The following NTM variants were observed in gnomAD, a reference collection of about 807,000 sequenced individuals.
NTM encodes the protein neurotrimin, also known as IgLON family member 2.
In NTM, 13 loss-of-function variants were observed where a neutral mutation model predicts 42.1. That is an observed-to-expected ratio of 0.31 (90% CI 0.20 to 0.49). NTM has a LOEUF of 0.49. NTM is among the 20% of genes least tolerant of loss of function. NTM has a pLI of 0.99. For synonymous variants in NTM, 187 were observed against 179.2 expected (o/e 1.04, Z -0.35); for missense variants, 373 against 452.8 (o/e 0.82, Z 1.60).
intron 1 of NTM, among the ~76,000 whole-genome samples, chr11:131,876,530 A>G (rs1349864420): frequency 6.6e-6 from 1 of 152,262 alleles, no homozygotes; most frequent in African/African-American, 2.4e-5. Flanking sequence ...AAATATAATT[A>G]GACAAATCTG....
At chr11:132,299,795 A>G (rs2094774122) in intron 4 of NTM, among the ~76,000 whole-genome samples, 1 of 152,174 alleles carries the variant, frequency 6.6e-6, no homozygotes, top group South Asian at 2.1e-4. Flanking sequence ...CCTATGAAAC[A>G]TCTTTTAAAT....
In NTM at chr11:131,836,960, G is replaced by C. The variant is rs79390610; in HGVS notation, c.83-74604G>C. ...AGTAATAAAGCTGTCACTCCTGAAG[G>C]GATCTTTTTTAAAACAAAAGGAAAG... On this transcript the variant is annotated intron_variant, in intron 1 of 8. Coordinates refer to ENST00000683400, the MANE Select transcript of NTM (RefSeq NM_001352005.2). Among the ~76,000 whole-genome samples the C allele has an allele frequency of 2.8e-3, 430 of 152,194 alleles. 1 individual carries two copies. The highest frequency in any genetic ancestry group is 9.8e-3 in the African/African-American group (408 of 41,504).
chr11:131,617,130 C>T (rs761212835), intron 1 of NTM, among the ~76,000 whole-genome samples: 6 of 151,910 alleles, frequency 3.9e-5, no homozygotes, highest in Admixed American at 2.6e-4. Flanking sequence ...GGTGTGCTGC[C>T]GATGTCAGGG....
chr11:131,829,534 G>T (rs183554220), intron 1 of NTM, among the ~76,000 whole-genome samples: 1 of 152,060 alleles, frequency 6.6e-6, no homozygotes, highest in Admixed American at 6.5e-5. Context: ...CTTTCCTATG[G>T]CATAGTATTC....
intron 1 of NTM, among the ~76,000 whole-genome samples, chr11:131,433,733 AT>A (rs1464651819): frequency 2.0e-5 from 3 of 151,862 alleles, no homozygotes; most frequent in African/African-American, 7.3e-5. Context: ...CCTTAGGAAG[AT>A]TTTAGGCCAC....
intron 1 of NTM, among the ~76,000 whole-genome samples, chr11:131,776,374 A>G (rs916906796): frequency 2.0e-5 from 3 of 152,194 alleles, no homozygotes; most frequent in Non-Finnish European, 4.4e-5. Context: ...CAGTGAGGGA[A>G]GAGCAACATA....
At chr11:131,564,479 C>T (rs774845950) in intron 1 of NTM, among the ~76,000 whole-genome samples, 43 of 152,054 alleles carry the variant, frequency 2.8e-4, no homozygotes, top group Middle Eastern at 3.4e-3. Flanking sequence ...AGAGAGCAGG[C>T]TCTTTAGTGT....
chr11:131,779,668 C>A (rs1195775190), intron 1 of NTM, among the ~76,000 whole-genome samples: 2 of 152,056 alleles, frequency 1.3e-5, no homozygotes, highest in Admixed American at 6.6e-5. Flanking sequence ...ACCAGTGGAG[C>A]AGGGGAGACA....
chr11:132,106,086 T>A (rs888933665), intron 2 of NTM, among the ~76,000 whole-genome samples: 1 of 152,176 alleles, frequency 6.6e-6, no homozygotes, highest in Non-Finnish European at 1.5e-5. Flanking sequence ...ATAGTGAGGT[T>A]CAATTACTTA....
chr11:132,258,211 A>G (rs2092626044), intron 4 of NTM, among the ~76,000 whole-genome samples: 1 of 152,218 alleles, frequency 6.6e-6, no homozygotes, highest in Admixed American at 6.5e-5. Context: ...GTCTGGCAGA[A>G]AGGACATAGG....
At chr11:132,029,667 A>G (rs371577469) in intron 2 of NTM, among the ~76,000 whole-genome samples, 2 of 152,082 alleles carry the variant, frequency 1.3e-5, no homozygotes, top group South Asian at 4.2e-4. Flanking sequence ...AAATAATCAT[A>G]TGGGCCTTTA....
At chr11:131,408,747 G>A (rs1308608592) in intron 1 of NTM, among the ~76,000 whole-genome samples, 4 of 152,130 alleles carry the variant, frequency 2.6e-5, no homozygotes, top group Non-Finnish European at 5.9e-5. Context: ...TTGTTTTCTC[G>A]TATTCTCAGC....
intron 2 of NTM, among the ~76,000 whole-genome samples, chr11:132,073,341 G>C (rs537006314): frequency 1.3e-5 from 2 of 152,294 alleles, no homozygotes; most frequent in Admixed American, 1.3e-4. Context: ...GTTATCTTTA[G>C]GAATGTTCTG....
chr11:131,566,528 C>T (rs1453221090), intron 1 of NTM, among the ~76,000 whole-genome samples: 3 of 152,098 alleles, frequency 2.0e-5, no homozygotes, highest in Non-Finnish European at 2.9e-5. Flanking sequence ...TCATCATCCA[C>T]GCAGTGTGAG....
intron 1 of NTM, among the ~76,000 whole-genome samples, chr11:131,687,859 C>T (rs2074106169): frequency 6.6e-6 from 1 of 152,166 alleles, no homozygotes; most frequent in Non-Finnish European, 1.5e-5. Flanking sequence ...CCGCTCCCAC[C>T]CCACGTATCC....
intron 2 of NTM, among the ~76,000 whole-genome samples, chr11:131,942,925 A>G (rs1312116630): frequency 7.1e-6 from 1 of 141,142 alleles, no homozygotes; most frequent in Non-Finnish European, 1.5e-5. Context: ...CAGTCGGGTC[A>G]AGAGAGTGAG....
intron 1 of NTM, among the ~76,000 whole-genome samples, chr11:131,701,946 G>T (rs187109760): frequency 1.3e-5 from 2 of 152,276 alleles, no homozygotes. Flanking sequence ...CCAAACATGG[G>T]CCCTTCTGAG....
intron 4 of NTM, among the ~76,000 whole-genome samples, chr11:132,297,408 CCCT>C (rs1318218914): frequency 1.3e-5 from 2 of 152,140 alleles, no homozygotes; most frequent in Non-Finnish European, 2.9e-5. Context: ...AGCCTGGCTT[CCCT>C]CCTCCTTCTA....
chr11:132,196,684 A>C (rs1250815936), intron 3 of NTM, among the ~76,000 whole-genome samples: 1 of 152,158 alleles, frequency 6.6e-6, no homozygotes, highest in African/African-American at 2.4e-5. Context: ...TGAACACCAA[A>C]TACGGCATGT....
Sources: gnomAD v4.1 joint callset for allele counts (sites outside exome capture counted in the v4.1 genomes callset) on GRCh38, gnomAD v4.1.1 for gene constraint, MANE v1.5 for transcripts, NCBI Gene and HGNC (gene_info 2026-07-23, HGNC 2026-07-21) for gene names.